ITGBL1: variants seen among roughly 807,000 people sequenced by gnomAD.
The protein encoded by ITGBL1 is integrin beta-like protein 1.
ITGBL1 carries 51 observed loss-of-function variants against 68.5 expected under a neutral mutation model. The observed-to-expected ratio is 0.74, with a 90% CI of 0.59 to 0.94. The LOEUF (loss-of-function observed/expected upper bound fraction) is 0.94. ITGBL1 is among the 40% of genes least tolerant of loss of function. The pLI, the probability that ITGBL1 is intolerant of heterozygous loss-of-function variation, is 0.00. For missense variants in ITGBL1, 649 were observed against 647.4 expected, an observed-to-expected ratio of 1.00 and a Z score of -0.03; for synonymous variants, 209 against 227.3, an observed-to-expected ratio of 0.92 and a Z score of 0.72.
At chr13:101,715,308 C>T (rs1420929456) in intron 10 of ITGBL1, 7 of 387,760 alleles carry the variant, frequency 1.8e-5, no homozygotes, top group Non-Finnish European at 3.3e-5. Flanking sequence ...CACCTAAAAG[C>T]CTAGCTGGAG....
At chr13:101,460,449 T>C (rs1163049594) in intron 2 of ITGBL1, among the ~76,000 whole-genome samples, 1 of 152,220 alleles carries the variant, frequency 6.6e-6, no homozygotes, top group Non-Finnish European at 1.5e-5. Context: ...CTTACATTCA[T>C]CTGTGTTCGA....
chr13:101,580,937 C>T (rs1180346240), intron 5 of ITGBL1, among the ~76,000 whole-genome samples: 3 of 152,162 alleles, frequency 2.0e-5, no homozygotes, highest in Non-Finnish European at 4.4e-5. Flanking sequence ...AAGCAGCTTG[C>T]CTGAGCGAGG....
chr13:101,681,832 A>ATG (rs984383488), intron 7 of ITGBL1, among the ~76,000 whole-genome samples: 47 of 151,940 alleles, frequency 3.1e-4, no homozygotes, highest in African/African-American at 8.4e-4. Context: ...ATGTGTGTAT[A>ATG]TGTGTGTGTG....
chr13:101,520,118 G>A (rs961877579), intron 2 of ITGBL1, among the ~76,000 whole-genome samples: 7 of 152,106 alleles, frequency 4.6e-5, no homozygotes, highest in Admixed American at 2.0e-4. Flanking sequence ...CATAGAATTT[G>A]TACTCAAGTT....
chr13:101,662,223 CT>C (rs2033106774), intron 7 of ITGBL1, among the ~76,000 whole-genome samples: 1 of 152,130 alleles, frequency 6.6e-6, no homozygotes, highest in Non-Finnish European at 1.5e-5. Flanking sequence ...TTTCCTGTTA[CT>C]TCAATGAGAC....
chr13:101,603,485 G>A (rs762043360), intron 7 of ITGBL1, among the ~76,000 whole-genome samples: 25 of 151,872 alleles, frequency 1.6e-4, no homozygotes, highest in Non-Finnish European at 7.4e-5. Context: ...TTGGAATATT[G>A]TCATTATAGT....
At chr13:101,638,334 G>A (rs1269915046) in intron 7 of ITGBL1, among the ~76,000 whole-genome samples, 1 of 152,100 alleles carries the variant, frequency 6.6e-6, no homozygotes. Context: ...AAAGGAAAGA[G>A]CATACCCTTC....
intron 2 of ITGBL1, among the ~76,000 whole-genome samples, chr13:101,532,706 A>C (rs1212154995): frequency 6.6e-6 from 1 of 152,186 alleles, no homozygotes; most frequent in Non-Finnish European, 1.5e-5. Context: ...CTTTTTTTGC[A>C]TAACAACGTT....
intron 2 of ITGBL1, among the ~76,000 whole-genome samples, chr13:101,466,836 C>G (rs777494335): frequency 1.3e-5 from 2 of 152,190 alleles, no homozygotes; most frequent in Non-Finnish European, 2.9e-5. Context: ...TATGTCAACC[C>G]GAAGGAAGGA....
intron 7 of ITGBL1, among the ~76,000 whole-genome samples, chr13:101,606,112 C>CTA (rs71125009): frequency 0.19 from 23,150 of 125,048 alleles, 2,288 homozygotes; most frequent in East Asian, 0.43. Context: ...CTCTCTCTCT[C>CTA]TATATATATA....
intron 7 of ITGBL1, among the ~76,000 whole-genome samples, chr13:101,621,345 C>T (rs989910698): frequency 3.3e-5 from 5 of 152,112 alleles, no homozygotes; most frequent in African/African-American, 7.2e-5. Context: ...CTCAGTGTTT[C>T]TATTTCTGTT....
At chr13:101,469,094 TATAAC>T (rs2048422573) in intron 2 of ITGBL1, among the ~76,000 whole-genome samples, 1 of 152,248 alleles carries the variant, frequency 6.6e-6, no homozygotes, top group African/African-American at 2.4e-5. Flanking sequence ...CTTTTGTTCT[TATAAC>T]ATTACATTTC....
At chr13:101,687,091 G>T (rs2033771731) in intron 7 of ITGBL1, among the ~76,000 whole-genome samples, 1 of 151,832 alleles carries the variant, frequency 6.6e-6, no homozygotes, top group African/African-American at 2.4e-5. Context: ...AATGTTTAGG[G>T]TTTAATTTTG....
At chr13:101,630,857 GTTA>G (rs1392642163) in intron 7 of ITGBL1, among the ~76,000 whole-genome samples, 1 of 152,058 alleles carries the variant, frequency 6.6e-6, no homozygotes, top group East Asian at 1.9e-4. Context: ...TGGCATTTTT[GTTA>G]TTGTTTAATT....
At chr13:101,534,828 T>G (rs571997084) in intron 2 of ITGBL1, among the ~76,000 whole-genome samples, 119 of 152,200 alleles carry the variant, frequency 7.8e-4, no homozygotes, top group Non-Finnish European at 1.3e-3. Context: ...AATCTGCACA[T>G]AAGTACAATT....
chr13:101,597,640 C>A (rs569089418), intron 6 of ITGBL1, among the ~76,000 whole-genome samples: 5 of 151,748 alleles, frequency 3.3e-5, no homozygotes, highest in Non-Finnish European at 5.9e-5. Flanking sequence ...CAATGTCTGC[C>A]CCCCTGGGTT....
At chr13:101,465,652 G>A (rs1387383029) in intron 2 of ITGBL1, among the ~76,000 whole-genome samples, 1 of 152,158 alleles carries the variant, frequency 6.6e-6, no homozygotes, top group Non-Finnish European at 1.5e-5. Context: ...AGGAGAAACA[G>A]GCCCTATTAT....
rs2030105147 is a variant in ITGBL1, at chr13:101,598,213, G to A, written c.929G>A (p.Cys310Tyr). 4 of 1,613,852 alleles carry A rather than the reference G, an allele frequency of 2.5e-6. No homozygotes were observed. Among genetic ancestry groups the A allele is most frequent in the Non-Finnish European group, 3.4e-6 (4 of 1,179,884 alleles). ...AAAGCAGGCTGGTATGGGAAGAAGT[G>A]TGAGCACCCACAGTCCTGCACGCTG... The part of the protein sequence containing the change: ...DCKAGWYGKK[C>Y]EHPQSCTLSA... Residue 310 changes from cysteine (C) to tyrosine (Y), a missense_variant, in exon 7 of 11, where the codon TGT becomes TAT. By Grantham distance (194) the Cys-to-Tyr change is radical. Coordinates refer to ENST00000376180, the MANE Select transcript of ITGBL1 (RefSeq NM_004791.3).
At chr13:101,588,892 T>G (rs775588297) in intron 6 of ITGBL1, among the ~76,000 whole-genome samples, 1 of 152,156 alleles carries the variant, frequency 6.6e-6, no homozygotes, top group Non-Finnish European at 1.5e-5. Context: ...ACAAGAAAAG[T>G]TGCAATTTTG....
Sources: allele counts gnomAD v4.1 joint callset (sites outside exome capture counted in the v4.1 genomes callset), GRCh38; gene constraint gnomAD v4.1.1; transcripts MANE v1.5; gene names NCBI Gene and HGNC (gene_info 2026-07-23, HGNC 2026-07-21).